Variants in CHSY3 observed in about 807,000 individuals in gnomAD.
The protein encoded by CHSY3 is N-acetylgalactosaminyl-proteoglycan 3-beta-glucuronosyltransferase 3.
A neutral mutation model predicts 67.2 loss-of-function variants in CHSY3; 35 were observed. The ratio of observed to expected loss-of-function variants is 0.52; its 90% CI spans 0.40 to 0.69. The LOEUF is 0.69. Among genes scored for constraint, CHSY3 ranks in the 30% least tolerant of loss-of-function variants. CHSY3 has a pLI of 0.00. For synonymous variants in CHSY3, 474 were observed against 434.7 expected (o/e 1.09, Z -1.12); for missense variants, 1,069 against 1,138.5 (o/e 0.94, Z 0.88).
chr5:129,912,497 G>A (rs1022711620), intron 2 of CHSY3, among the ~76,000 whole-genome samples: 2 of 152,154 alleles, frequency 1.3e-5, no homozygotes, highest in Non-Finnish European at 2.9e-5. Context: ...AGGCCCAGGT[G>A]GTCTGGGGAA....
chr5:129,905,640 C>G lies in CHSY3; in HGVS notation c.802+9C>G, dbSNP rs750570487. 13 of 1,610,198 alleles carry G rather than the reference C, an allele frequency of 8.1e-6. No homozygotes were observed. Among genetic ancestry groups the G allele is most frequent in the Non-Finnish European group, 1.1e-5 (13 of 1,177,744 alleles). ...CGATGTCTACATCAAAGGTGACCTCCCTGCGCCGGCTTTCCAGCCTGCCAG... is the reference window on the plus strand; with the variant it reads ...CGATGTCTACATCAAAGGTGACCTCGCTGCGCCGGCTTTCCAGCCTGCCAG... On this transcript the variant is annotated intron_variant, in intron 1 of 2. Coordinates refer to ENST00000305031, the MANE Select transcript of CHSY3 (RefSeq NM_175856.5).
intron 2 of CHSY3, among the ~76,000 whole-genome samples, chr5:129,923,220 A>G (rs1760980374): frequency 4.1e-5 from 1 of 24,208 alleles, no homozygotes; most frequent in African/African-American, 1.7e-4. Flanking sequence ...AATTTTTAAG[A>G]TGATGCCTAG....
At chr5:130,022,089 C>A (rs1764410125) in intron 2 of CHSY3, among the ~76,000 whole-genome samples, 1 of 152,006 alleles carries the variant, frequency 6.6e-6, no homozygotes. Context: ...TTTTGAAATA[C>A]CCTCCAGGGA....
chr5:129,981,651 T>C (rs917954855), intron 2 of CHSY3, among the ~76,000 whole-genome samples: 3 of 152,124 alleles, frequency 2.0e-5, no homozygotes, highest in Non-Finnish European at 4.4e-5. Context: ...CCTGAGTAGC[T>C]GGAATTACAG....
intron 2 of CHSY3, among the ~76,000 whole-genome samples, chr5:130,177,428 A>C (rs1005927308): frequency 5.3e-5 from 8 of 151,934 alleles, no homozygotes; most frequent in Non-Finnish European, 8.8e-5. Context: ...GGAATAACAA[A>C]TCTATTAATA....
chr5:130,095,254 C>T (rs1767007695), intron 2 of CHSY3, among the ~76,000 whole-genome samples: 1 of 152,136 alleles, frequency 6.6e-6, no homozygotes, highest in South Asian at 2.1e-4. Context: ...ATGTTCAGTG[C>T]TTATAGCTTA....
rs1271846989 is a variant in CHSY3, at chr5:130,163,795, G to GTTCT, written c.1087-20434_1087-20433insTTCT. ...GTCTAATTGATAGAGGAATAAATTA[G>GTTCT]AAAGTAAAGCATTATAGTAAACACC... On this transcript the variant is annotated intron_variant, in intron 2 of 2. Coordinates refer to ENST00000305031, the MANE Select transcript of CHSY3 (RefSeq NM_175856.5). 2.0e-3 allele frequency among the ~76,000 whole-genome samples: 305 copies of GTTCT among 152,248 alleles called. 1 individual carries two copies. The highest frequency in any genetic ancestry group is 6.7e-3 in the African/African-American group (280 of 41,546).
chr5:130,142,600 A>G (rs1768903397), intron 2 of CHSY3, among the ~76,000 whole-genome samples: 1 of 152,220 alleles, frequency 6.6e-6, no homozygotes, highest in Non-Finnish European at 1.5e-5. Context: ...TAATTACATA[A>G]TATCAAAAGA....
chr5:129,931,543 T>C (rs993466830), intron 2 of CHSY3, among the ~76,000 whole-genome samples: 4 of 152,174 alleles, frequency 2.6e-5, no homozygotes, highest in Admixed American at 2.0e-4. Context: ...TGTATTTTAC[T>C]AAAGAGAACA....
At chr5:129,936,888 G>C (rs1203613293) in intron 2 of CHSY3, among the ~76,000 whole-genome samples, 1 of 152,148 alleles carries the variant, frequency 6.6e-6, no homozygotes, top group African/African-American at 2.4e-5. Context: ...CTGTGGTGCT[G>C]CTCATGTTAT....
intron 2 of CHSY3, among the ~76,000 whole-genome samples, chr5:130,049,073 A>G (rs1431824663): frequency 6.6e-6 from 1 of 152,060 alleles, no homozygotes; most frequent in East Asian, 1.9e-4. Context: ...CCCTTTCACA[A>G]AGTTGCAGCA....
intron 2 of CHSY3, among the ~76,000 whole-genome samples, chr5:129,994,793 A>G (rs527237278): frequency 1.3e-5 from 2 of 152,108 alleles, no homozygotes; most frequent in Admixed American, 1.3e-4. Flanking sequence ...AAACTATCGC[A>G]AGGACAAAAA....
At chr5:130,056,165 T>A (rs1280226965) in intron 2 of CHSY3, among the ~76,000 whole-genome samples, 1 of 152,254 alleles carries the variant, frequency 6.6e-6, no homozygotes, top group East Asian at 1.9e-4. Flanking sequence ...ATGCAGTTCA[T>A]TGACCCAGAA....
chr5:130,151,351 G>T (rs1769226688), intron 2 of CHSY3, among the ~76,000 whole-genome samples: 1 of 152,198 alleles, frequency 6.6e-6, no homozygotes, highest in Non-Finnish European at 1.5e-5. Context: ...CAAGTCCTTT[G>T]CCTTCTGATA....
chr5:129,968,254 A>T (rs1173477801), intron 2 of CHSY3, among the ~76,000 whole-genome samples: 1 of 151,824 alleles, frequency 6.6e-6, no homozygotes, highest in African/African-American at 2.4e-5. Context: ...CTTGCAATTA[A>T]CTTTATGTGA....
chr5:129,929,347 A>C (rs142341565), intron 2 of CHSY3, among the ~76,000 whole-genome samples: 28 of 152,366 alleles, frequency 1.8e-4, no homozygotes, highest in African/African-American at 6.7e-4. Context: ...TTTTCGGTAG[A>C]AACAGAAAAT....
At chr5:130,116,476 A>T (rs1767806162) in intron 2 of CHSY3, among the ~76,000 whole-genome samples, 1 of 152,208 alleles carries the variant, frequency 6.6e-6, no homozygotes, top group South Asian at 2.1e-4. Flanking sequence ...TATTAGAAAG[A>T]TTTGTGGGCA....
chr5:129,993,107 G>A (rs538548764), intron 2 of CHSY3, among the ~76,000 whole-genome samples: 2 of 152,208 alleles, frequency 1.3e-5, no homozygotes, highest in Admixed American at 1.3e-4. Context: ...GTACTGTTAT[G>A]TGCTATTTCA....
intron 2 of CHSY3, among the ~76,000 whole-genome samples, chr5:129,992,967 G>A (rs892219796): frequency 2.2e-4 from 33 of 152,098 alleles, no homozygotes; most frequent in African/African-American, 8.0e-4. Flanking sequence ...GAGTGTTTGA[G>A]TGTTTTAAGT....
Sources: allele counts gnomAD v4.1 joint callset (sites outside exome capture counted in the v4.1 genomes callset), GRCh38; gene constraint gnomAD v4.1.1; transcripts MANE v1.5; gene names NCBI Gene and HGNC (gene_info 2026-07-23, HGNC 2026-07-21).